The following PIK3R5 variants were observed in gnomAD, a reference collection of about 807,000 sequenced individuals.
PIK3R5 encodes the protein phosphoinositide-3-kinase regulatory subunit 5, also known as phosphoinositide 3-kinase regulatory subunit 5.
A neutral mutation model predicts 94.9 loss-of-function variants in PIK3R5; 32 were observed. The observed-to-expected ratio is 0.34, with a 90% CI of 0.25 to 0.45. PIK3R5 has a LOEUF of 0.45. Among genes scored for constraint, PIK3R5 ranks in the 20% least tolerant of loss-of-function variants. PIK3R5 has a pLI of 1.00. For missense variants in PIK3R5, 853 were observed against 1,144.6 expected (o/e 0.75, Z 3.68); for synonymous variants, 443 against 479.4 (o/e 0.92, Z 0.99).
Position 8,890,011 on chromosome 17 carries a change from T to C in PIK3R5, c.773A>G (p.Gln258Arg), listed in dbSNP as rs758025782. ...GAAGCCAGCTTTTTCTCCCACCGCC[T>C]GCAGCTTGGTCCTGAGCCACCGCCG... is the stretch of plus-strand genomic sequence containing the variant. ...EARRWLRTKL[Q>R]AVGEKAGFPG... is the part of the protein sequence containing the mutation. Residue 258 changes from glutamine (Q) to arginine (R), a missense_variant, in exon 8 of 19, where the codon CAG becomes CGG. Transcript: ENST00000447110. The surrounding 1 kb of genome is among the most constrained non-coding windows in gnomAD (Gnocchi z 6.1). The C allele has an allele frequency of 2.0e-5, 33 of 1,613,812 alleles. No homozygotes were observed. In the South Asian group the frequency reaches 3.3e-4, roughly 16 times the overall value.
intron 1 of PIK3R5, among the ~76,000 whole-genome samples, chr17:8,919,665 C>G (rs982731541): frequency 1.3e-5 from 2 of 152,116 alleles, no homozygotes; most frequent in South Asian, 2.1e-4. Context: ...TGTGTCATAC[C>G]GTGTTGGTGT....
Position 8,896,761 on chromosome 17 carries a change from G to A in PIK3R5, c.413-3106C>T, listed in dbSNP as rs2151384710. On this transcript the variant is annotated intron_variant, in intron 5 of 18. Coordinates refer to ENST00000447110, the MANE Select transcript of PIK3R5 (RefSeq NM_001142633.3). This position sits in a 1 kb window ranked among gnomAD's most constrained non-coding sequence, Gnocchi z 4.0. The stretch of plus-strand genomic sequence containing the variant: ...CACTGGTATTAATGACACACGGATA[G>A]ACAGGTCCATGCTGAGGGTGATGTG... Among the ~76,000 whole-genome samples, 1 of 152,322 alleles carries A rather than the reference G, an allele frequency of 6.6e-6. No individual in the cohort carries two copies. The highest frequency in any genetic ancestry group is 2.1e-4 in the South Asian group (1 of 4,824).
Position 8,886,564 on chromosome 17 carries a change from T to C in PIK3R5, c.1947A>G (p.Pro649=), listed in dbSNP as rs200120168. The stretch of plus-strand genomic sequence containing the variant: ...TGTCAGCCAGGATGGGCAGCTGGGT[T>C]GGGGAGCCCTCCAGGGCCTGGGCTT... The part of the protein sequence containing the change: ...KAEAQALEGS[P]TQLPILADML... The change falls in exon 13 of 19, where the codon CCA becomes CCG. Residue 649 remains proline, a synonymous_variant. Transcript: ENST00000447110. 2.5e-6 allele frequency: 4 copies of C among 1,611,524 alleles called. No homozygotes were observed. The Admixed American group carries it at 6.7e-5, about 27-fold the overall frequency.
At position 8,932,469 on chromosome 17, in the gene PIK3R5, C is replaced by A. The variant is rs189853412; in HGVS notation, c.-13-20962G>T. Among the ~76,000 whole-genome samples, 119 of 152,100 alleles carry A rather than the reference C, an allele frequency of 7.8e-4. 1 individual carries two copies. Among genetic ancestry groups the A allele is most frequent in the Non-Finnish European group, 1.4e-3 (97 of 67,956 alleles). On this transcript the variant is annotated intron_variant, in intron 1 of 18. Coordinates refer to ENST00000447110, the MANE Select transcript of PIK3R5 (RefSeq NM_001142633.3). Reference sequence around the variant, plus strand: ...AGGCTGGTCTCGAACTCCTGACCTCCGGTGATCTGCCCACCTCGGCCTCCC... The same window carrying A: ...AGGCTGGTCTCGAACTCCTGACCTCAGGTGATCTGCCCACCTCGGCCTCCC...
intron 1 of PIK3R5, among the ~76,000 whole-genome samples, chr17:8,958,550 G>A (rs568503128): frequency 2.6e-5 from 4 of 152,266 alleles, no homozygotes; most frequent in African/African-American, 2.4e-5. Flanking sequence ...TGAAGAAAAC[G>A]TCCTTCACAC....
At chr17:8,922,041 GA>G (rs2090759557) in intron 1 of PIK3R5, among the ~76,000 whole-genome samples, 1 of 151,734 alleles carries the variant, frequency 6.6e-6, no homozygotes, top group Non-Finnish European at 1.5e-5. Flanking sequence ...CTACCATCTT[GA>G]ATATATAAAG....
intron 1 of PIK3R5, among the ~76,000 whole-genome samples, chr17:8,920,456 T>TA (rs1176231495): frequency 6.6e-6 from 1 of 152,190 alleles, no homozygotes; most frequent in East Asian, 1.9e-4. Flanking sequence ...CAGACGGCAG[T>TA]AAATCTGTAA....
In PIK3R5 at chr17:8,909,266, CAT is replaced by C; in HGVS notation, c.104-94_104-93del. The C allele has an allele frequency of 1.4e-6, 1 of 731,070 alleles. No homozygotes were observed. The highest frequency in any genetic ancestry group is 2.8e-5 in the East Asian group (1 of 36,290). 45.3% of individuals were successfully genotyped at this position (731,070 alleles called of 1,614,324 possible). ...TAAAGAAGGGGCATTTATGCTGGAA[CAT>C]TTTTCTGTGGTATTGCACTGGAACA... On this transcript the variant is annotated intron_variant, in intron 2 of 18. Coordinates refer to ENST00000447110, the MANE Select transcript of PIK3R5 (RefSeq NM_001142633.3). The surrounding 1 kb of genome is among the most constrained non-coding windows in gnomAD (Gnocchi z 4.3).
intron 1 of PIK3R5, among the ~76,000 whole-genome samples, chr17:8,964,888 G>A (rs2091637519): frequency 6.6e-6 from 1 of 152,162 alleles, no homozygotes; most frequent in Admixed American, 6.5e-5. Context: ...ACATCCTGCT[G>A]CTTTAACCTC....
intron 1 of PIK3R5, among the ~76,000 whole-genome samples, chr17:8,947,248 A>AT (rs1429464496): frequency 1.3e-5 from 2 of 152,144 alleles, no homozygotes; most frequent in Admixed American, 6.5e-5. Context: ...TCTTAAATGA[A>AT]TCCCTGCTCC....
rs974392287 is a variant in PIK3R5 at position 8,909,431 on chromosome 17, A to G, written c.104-257T>C. On this transcript the variant is annotated intron_variant, in intron 2 of 18. Transcript: ENST00000447110. This position sits in a 1 kb window ranked among gnomAD's most constrained non-coding sequence, Gnocchi z 4.3. Reference sequence around the variant, plus strand: ...CAGCCTCCCAAGTAGCTGGGATTACAGGCACGTGCCACCGCACCCAGCTAA... The same window carrying G: ...CAGCCTCCCAAGTAGCTGGGATTACGGGCACGTGCCACCGCACCCAGCTAA... Among the ~76,000 whole-genome samples the G allele has an allele frequency of 7.9e-5, 12 of 152,092 alleles. No individual in the cohort carries two copies. The highest frequency in any genetic ancestry group is 1.5e-4 in the Non-Finnish European group (10 of 68,020).
intron 1 of PIK3R5, among the ~76,000 whole-genome samples, chr17:8,937,999 C>A (rs966317349): frequency 1.3e-5 from 2 of 152,072 alleles, no homozygotes; most frequent in Non-Finnish European, 2.9e-5. Flanking sequence ...TTAGTAAAGA[C>A]GGGGTTTCAC....
chr17:8,947,994 G>T (rs1019713419), intron 1 of PIK3R5, among the ~76,000 whole-genome samples: 2 of 123,434 alleles, frequency 1.6e-5, no homozygotes, highest in African/African-American at 6.1e-5. Context: ...AGTGAGCAAA[G>T]ATTGAGCCAC....
intron 1 of PIK3R5, among the ~76,000 whole-genome samples, chr17:8,942,374 A>T (rs976752586): frequency 2.0e-5 from 3 of 150,960 alleles, no homozygotes; most frequent in African/African-American, 7.3e-5. Context: ...TGTTCCACCC[A>T]TAGTCGGAGC....
chr17:8,947,208 GCT>G (rs2151466174), intron 1 of PIK3R5, among the ~76,000 whole-genome samples: 1 of 152,340 alleles, frequency 6.6e-6, no homozygotes, highest in South Asian at 2.1e-4. Context: ...CTGGATAGCA[GCT>G]TGGTAGCTGA....
At chr17:8,918,647 G>A (rs1279236245) in intron 1 of PIK3R5, among the ~76,000 whole-genome samples, 1 of 152,182 alleles carries the variant, frequency 6.6e-6, no homozygotes, top group African/African-American at 2.4e-5. Context: ...TAGATCCACT[G>A]ATGAATGCTA....
chr17:8,937,567 T>C (rs2091097386), intron 1 of PIK3R5, among the ~76,000 whole-genome samples: 1 of 152,256 alleles, frequency 6.6e-6, no homozygotes, highest in Admixed American at 6.5e-5. Flanking sequence ...CAGCCTTGTA[T>C]ATCCAGAATA....
intron 1 of PIK3R5, among the ~76,000 whole-genome samples, chr17:8,952,913 A>G (rs1288573723): frequency 6.6e-6 from 1 of 152,100 alleles, no homozygotes; most frequent in African/African-American, 2.4e-5. Flanking sequence ...CCGTTATCAT[A>G]TGATTACCAT....
At chr17:8,932,443 T>A (rs1311368018) in intron 1 of PIK3R5, among the ~76,000 whole-genome samples, 1 of 152,126 alleles carries the variant, frequency 6.6e-6, no homozygotes, top group Non-Finnish European at 1.5e-5. Flanking sequence ...CCATGTGGGT[T>A]AGGCTGGTCT....
Sources: allele counts gnomAD v4.1 joint callset (sites outside exome capture counted in the v4.1 genomes callset), GRCh38; gene constraint gnomAD v4.1.1; non-coding constraint Gnocchi (gnomAD v3.1); transcripts MANE v1.5; gene names NCBI Gene and HGNC (gene_info 2026-07-23, HGNC 2026-07-21).